The following CNTNAP2 variants were observed in gnomAD, a reference collection of about 807,000 sequenced individuals.
CNTNAP2 encodes contactin associated protein 2.
In CNTNAP2, 98 loss-of-function variants were observed where a neutral mutation model predicts 155.2. The ratio of observed to expected loss-of-function variants is 0.63; its 90% confidence interval spans 0.54 to 0.75. CNTNAP2 has a LOEUF of 0.75. Among genes scored for constraint, CNTNAP2 ranks in the 30% least tolerant of loss-of-function variants. The probability of loss-of-function intolerance (pLI) is 0.00; values close to 1 mark genes in which losing one functional copy is unlikely to be tolerated. For missense variants in CNTNAP2, 1,727 were observed against 1,688.1 expected, an observed-to-expected ratio of 1.02 and a Z score of -0.40; for synonymous variants, 651 against 631.2, an observed-to-expected ratio of 1.03 and a Z score of -0.47.
At chr7:146,744,311 A>T (rs1801773328) in intron 1 of CNTNAP2, among the ~76,000 whole-genome samples, 2 of 151,212 alleles carry the variant, frequency 1.3e-5, no homozygotes, top group African/African-American at 4.8e-5. Context: ...ATATCAAATG[A>T]TTAAACTTAC....
chr7:148,142,670 C>A (rs921506826), intron 16 of CNTNAP2, among the ~76,000 whole-genome samples: 6 of 152,284 alleles, frequency 3.9e-5, no homozygotes, highest in African/African-American at 1.4e-4. Flanking sequence ...ACTGAATGGC[C>A]AAATTTTTTC....
intron 1 of CNTNAP2, among the ~76,000 whole-genome samples, chr7:146,474,496 C>T (rs189611403): frequency 3.9e-4 from 58 of 150,018 alleles, no homozygotes; most frequent in Non-Finnish European, 4.9e-4. Flanking sequence ...TGCTGTTGTT[C>T]TTCACATGAT....
chr7:147,051,005 G>GTCT (rs1486572569), intron 4 of CNTNAP2, among the ~76,000 whole-genome samples: 1 of 151,816 alleles, frequency 6.6e-6, no homozygotes, highest in Admixed American at 6.6e-5. Flanking sequence ...TCTTCAAATA[G>GTCT]TCTTCTTCTA....
intron 1 of CNTNAP2, among the ~76,000 whole-genome samples, chr7:146,745,303 A>G (rs747491197): frequency 1.4e-4 from 21 of 152,178 alleles, no homozygotes; most frequent in Non-Finnish European, 1.8e-4. Flanking sequence ...TAAATTTATT[A>G]TCTCATTTGA....
chr7:147,281,090 CT>C (rs142167903), intron 8 of CNTNAP2, among the ~76,000 whole-genome samples: 1,627 of 152,012 alleles, frequency 0.011, 28 homozygotes, highest in African/African-American at 0.037. Flanking sequence ...GTAACTCTGG[CT>C]GTTACACAGA....
chr7:147,655,047 A>G (rs772730522), intron 13 of CNTNAP2, among the ~76,000 whole-genome samples: 2 of 152,016 alleles, frequency 1.3e-5, no homozygotes, highest in African/African-American at 2.4e-5. Context: ...TTCTGACCTC[A>G]GGTGATCCAC....
chr7:148,019,354 T>C (rs1585080684), intron 15 of CNTNAP2, among the ~76,000 whole-genome samples: 1 of 152,322 alleles, frequency 6.6e-6, no homozygotes, highest in Admixed American at 6.5e-5. Context: ...CCTTCCTATG[T>C]GCAGGTGTGG....
At chr7:146,528,552 G>A (rs1284354497) in intron 1 of CNTNAP2, among the ~76,000 whole-genome samples, 3 of 152,132 alleles carry the variant, frequency 2.0e-5, no homozygotes, top group Non-Finnish European at 4.4e-5. Context: ...TAAAGACTAA[G>A]ATGAGTTATA....
chr7:146,777,167 G>T (rs1250456165), intron 2 of CNTNAP2, among the ~76,000 whole-genome samples: 1 of 152,068 alleles, frequency 6.6e-6, no homozygotes, highest in Non-Finnish European at 1.5e-5. Flanking sequence ...AAATTATCAC[G>T]TTGGGAAAGA....
intron 22 of CNTNAP2, among the ~76,000 whole-genome samples, chr7:148,391,875 A>C (rs1307424276): frequency 1.3e-5 from 2 of 152,220 alleles, no homozygotes; most frequent in African/African-American, 4.8e-5. Context: ...TCCAAACTGC[A>C]CACCAAGCTG....
intron 1 of CNTNAP2, among the ~76,000 whole-genome samples, chr7:146,696,862 G>C (rs1800790680): frequency 6.6e-6 from 1 of 151,864 alleles, no homozygotes; most frequent in Admixed American, 6.6e-5. Flanking sequence ...ATTTCATTCT[G>C]GTGTAACAGT....
chr7:147,851,179 C>T (rs1798932275), intron 13 of CNTNAP2, among the ~76,000 whole-genome samples: 1 of 152,102 alleles, frequency 6.6e-6, no homozygotes, highest in Admixed American at 6.5e-5. Flanking sequence ...AAATGCTCAT[C>T]ATCACTGGCC....
chr7:148,037,455 G>T (rs549752639), intron 15 of CNTNAP2, among the ~76,000 whole-genome samples: 2 of 152,242 alleles, frequency 1.3e-5, no homozygotes, highest in African/African-American at 4.8e-5. Flanking sequence ...AATTTTAATG[G>T]GTTACATCTA....
At chr7:147,800,238 C>T (rs895445661) in intron 13 of CNTNAP2, among the ~76,000 whole-genome samples, 24 of 152,038 alleles carry the variant, frequency 1.6e-4, no homozygotes, top group Admixed American at 7.2e-4. Context: ...AAATCTTCAT[C>T]GTTGAGGGAA....
intron 3 of CNTNAP2, among the ~76,000 whole-genome samples, chr7:147,016,638 G>A (rs1292922770): frequency 1.3e-5 from 2 of 151,978 alleles, no homozygotes; most frequent in African/African-American, 2.4e-5. Context: ...CTAAAAATTA[G>A]TTTTCAAATT....
intron 1 of CNTNAP2, among the ~76,000 whole-genome samples, chr7:146,546,198 G>A (rs1276543472): frequency 6.6e-6 from 1 of 151,840 alleles, no homozygotes; most frequent in Non-Finnish European, 1.5e-5. Flanking sequence ...GACTGATGTT[G>A]GGAGATTCTG....
In CNTNAP2 at chr7:147,713,546, G is replaced by A. The variant is rs199668150; in HGVS notation, c.2098+74240G>A. Among the ~76,000 whole-genome samples, 37 of 152,226 alleles carry A rather than the reference G, an allele frequency of 2.4e-4. No homozygotes were observed. In the East Asian group the frequency reaches 4.1e-3, roughly 17 times the overall value. ...CACCTAGCATGTTTATACATTTACC[G>A]GTTGGAGAACGTTTGGGTAATTTCC... On this transcript the variant is annotated intron_variant, in intron 13 of 23. Coordinates refer to ENST00000361727, the MANE Select transcript of CNTNAP2 (RefSeq NM_014141.6).
chr7:146,306,887 A>G (rs1172429007), intron 1 of CNTNAP2, among the ~76,000 whole-genome samples: 1 of 152,176 alleles, frequency 6.6e-6, no homozygotes, highest in Non-Finnish European at 1.5e-5. Context: ...CTGAATGGGC[A>G]AAAACTGGAA....
intron 1 of CNTNAP2, among the ~76,000 whole-genome samples, chr7:146,695,063 C>G (rs902200658): frequency 2.6e-5 from 4 of 152,058 alleles, no homozygotes; most frequent in South Asian, 2.1e-4. Flanking sequence ...TTCTCCCCAG[C>G]CTGTATAAAT....
Sources: gnomAD v4.1 joint callset for allele counts (sites outside exome capture counted in the v4.1 genomes callset) on GRCh38, gnomAD v4.1.1 for gene constraint, MANE v1.5 for transcripts, NCBI Gene and HGNC (gene_info 2026-07-23, HGNC 2026-07-21) for gene names.